The following BBS7 variants were observed in gnomAD, a reference collection of about 807,000 sequenced individuals.
BBS7 encodes Bardet-Biedl syndrome 7.
BBS7 carries 50 observed loss-of-function variants against 90.3 expected under a neutral mutation model. The ratio of observed to expected loss-of-function variants is 0.55; its 90% CI spans 0.44 to 0.70. The LOEUF (loss-of-function observed/expected upper bound fraction) is 0.70. Among genes scored for constraint, BBS7 ranks in the 30% least tolerant of loss-of-function variants. BBS7 has a pLI of 0.00. For missense variants in BBS7, 729 were observed against 838.9 expected, an observed-to-expected ratio of 0.87 and a Z score of 1.62; for synonymous variants, 235 against 287.4, an observed-to-expected ratio of 0.82 and a Z score of 1.85.
chr4:121,860,128 CCTCA>C (rs1200395605), intron 4 of BBS7, among the ~76,000 whole-genome samples: 2 of 152,026 alleles, frequency 1.3e-5, no homozygotes, highest in Non-Finnish European at 2.9e-5. Flanking sequence ...TATTAAGTGG[CCTCA>C]CTTTGTGGCT....
chr4:121,849,836 AAT>A (rs1195376208), intron 8 of BBS7, among the ~76,000 whole-genome samples: 1 of 152,126 alleles, frequency 6.6e-6, no homozygotes, highest in Non-Finnish European at 1.5e-5. Flanking sequence ...AAAAAATAAA[AAT>A]AAAAAAAAAT....
intron 15 of BBS7, 49 bp from the exon 16 acceptor site, chr4:121,828,777 T>C (rs909580349): frequency 6.4e-6 from 7 of 1,092,624 alleles, no homozygotes; most frequent in Non-Finnish European, 8.0e-6. Flanking sequence ...AAGGAAATTG[T>C]CCAGTACATA....
At chr4:121,828,356 T>C (rs1395575413) in intron 17 of BBS7, 46 bp downstream of exon 17, 2 of 1,590,392 alleles carry the variant, frequency 1.3e-6, no homozygotes, top group Non-Finnish European at 1.7e-6. Flanking sequence ...AGAAATCCTA[T>C]GACTTCAAAT....
chr4:121,839,788 T>A, intron 12 of BBS7, 92 bp from the exon 13 acceptor site: 2 of 1,110,226 alleles, frequency 1.8e-6, no homozygotes, highest in African/African-American at 1.6e-5. Flanking sequence ...ACCATTTGCT[T>A]AAGCACCTGT....
Position 121,870,423 on chromosome 4 carries a change from C to G in BBS7, c.-110G>C. 4.6e-6 allele frequency: 6 copies of G among 1,290,854 alleles called. No homozygotes were observed. Among genetic ancestry groups the G allele is most frequent in the Admixed American group, 3.7e-5 (2 of 53,588 alleles). The allele number at this position is 1,290,854 out of a possible 1,614,324, so 80.0% of individuals were successfully genotyped here. ...GAAGGCTGCCCGCGCCCCTCAAAAG[C>G]CAGCCCCAGCTACCGCGCCTAGGTC... On this transcript the variant is annotated 5_prime_UTR_variant, in exon 1 of 19. Transcript: ENST00000264499.
At chr4:121,864,610 A>T (rs1727158961) in intron 2 of BBS7, among the ~76,000 whole-genome samples, 1 of 152,216 alleles carries the variant, frequency 6.6e-6, no homozygotes, top group Non-Finnish European at 1.5e-5. Context: ...GTATTGATAC[A>T]TACAACTTAC....
intron 14 of BBS7, among the ~76,000 whole-genome samples, chr4:121,834,315 T>C (rs1725338155): frequency 6.6e-6 from 1 of 152,226 alleles, no homozygotes; most frequent in Non-Finnish European, 1.5e-5. Context: ...CTTTCTAGCA[T>C]ACCATGCTGC....
At chr4:121,864,853 G>A (rs1475571958) in intron 2 of BBS7, among the ~76,000 whole-genome samples, 1 of 152,086 alleles carries the variant, frequency 6.6e-6, no homozygotes, top group East Asian at 1.9e-4. Flanking sequence ...ATCACACTGG[G>A]ATAATTAGCA....
rs556113976 is a variant in BBS7 at position 121,831,024 on chromosome 4, G to A, written c.1676+2207C>T. Among the ~76,000 whole-genome samples, 12 of 152,040 alleles carry A rather than the reference G, an allele frequency of 7.9e-5. No homozygotes were observed. The East Asian group carries it at 1.7e-3, about 22-fold the overall frequency. On this transcript the variant is annotated intron_variant, in intron 15 of 18. Transcript: ENST00000264499. ...AGATCAAGACCATCCTGGCCAACAC[G>A]GTGAAACTAGTCTCTACTAAAAATA...
chr4:121,839,709 C>T lies in BBS7; in HGVS notation c.1306-13G>A. On this transcript the variant is annotated splice_polypyrimidine_tract_variant and intron_variant, in intron 12 of 18. Coordinates refer to ENST00000264499, the MANE Select transcript of BBS7 (RefSeq NM_176824.3). ...AGTTGTCGTTTGACTGGGAAGAATA[C>T]AAAGTGGAGGAAAAGAATGAATCCA... 1.2e-6 allele frequency: 2 copies of T among 1,608,334 alleles called. No homozygotes were observed. The highest frequency in any genetic ancestry group is 1.7e-6 in the Non-Finnish European group (2 of 1,175,066).
chr4:121,835,392 G>T, intron 13 of BBS7, 109 bp from the exon 14 acceptor site: 1 of 1,306,840 alleles, frequency 7.7e-7, no homozygotes, highest in Non-Finnish European at 1.1e-6. Flanking sequence ...AATATGTGAA[G>T]ACCTAATTTA....
intron 2 of BBS7, among the ~76,000 whole-genome samples, chr4:121,865,377 TAC>T (rs1727207734): frequency 6.6e-6 from 1 of 152,050 alleles, no homozygotes; most frequent in South Asian, 2.1e-4. Context: ...TAGCTGGAAT[TAC>T]AGATGCCTGC....
intron 6 of BBS7, 132 bp downstream of exon 6, chr4:121,855,357 G>T (rs577515089): frequency 2.4e-6 from 2 of 831,264 alleles, no homozygotes; most frequent in Admixed American, 1.8e-5. Context: ...TCAATAACTC[G>T]TGCTGTTAGT....
intron 3 of BBS7, among the ~76,000 whole-genome samples, chr4:121,862,031 C>T (rs979373341): frequency 5.3e-5 from 8 of 152,158 alleles, no homozygotes; most frequent in African/African-American, 1.9e-4. Flanking sequence ...CAGCTGGTTC[C>T]TATGCCTACT....
intron 5 of BBS7, chr4:121,858,645 A>G: frequency 4.3e-6 from 1 of 230,598 alleles, no homozygotes; most frequent in Non-Finnish European, 8.6e-6. Context: ...TTCTTCCTTT[A>G]ATTTGATTTT....
At chr4:121,856,476 G>A (rs1196493543) in intron 5 of BBS7, among the ~76,000 whole-genome samples, 2 of 152,002 alleles carry the variant, frequency 1.3e-5, no homozygotes, top group Admixed American at 6.6e-5. Flanking sequence ...CAGCACTTCC[G>A]GAGGCCAAGA....
intron 1 of BBS7, among the ~76,000 whole-genome samples, chr4:121,868,637 T>C (rs1727410789): frequency 8.0e-6 from 1 of 124,862 alleles, no homozygotes; most frequent in Admixed American, 1.0e-4. Flanking sequence ...GTCATGATCA[T>C]GCCACTGTAC....
intron 2 of BBS7, among the ~76,000 whole-genome samples, chr4:121,867,681 G>A (rs1325930844): frequency 6.6e-6 from 1 of 152,042 alleles, no homozygotes; most frequent in East Asian, 1.9e-4. Context: ...ACATTTTCTT[G>A]ATACCTTATT....
rs375124620 is a variant in BBS7 at position 121,859,115 on chromosome 4, G to A, written c.405C>T (p.Cys135=). The change falls in exon 5 of 19, where the codon TGC becomes TGT. Residue 135 remains cysteine, a synonymous_variant. Coordinates refer to ENST00000264499, the MANE Select transcript of BBS7 (RefSeq NM_176824.3). ...CAGAAAGGTAATAATGTTGGTCTTT[G>A]CAGTCACAATAATGGTTATAGATGT... ...ASYIYNHYCD[C]KDQHYYLSGD... 41 of 1,613,678 alleles carry A rather than the reference G, an allele frequency of 2.5e-5. No individual in the cohort carries two copies. The highest frequency in any genetic ancestry group is 3.4e-5 in the Non-Finnish European group (40 of 1,179,812).
Sources: gnomAD v4.1 joint callset for allele counts (sites outside exome capture counted in the v4.1 genomes callset) on GRCh38, gnomAD v4.1.1 for gene constraint, MANE v1.5 for transcripts, NCBI Gene and HGNC (gene_info 2026-07-23, HGNC 2026-07-21) for gene names.